MKLN1: variants seen among roughly 807,000 people sequenced by gnomAD.
The protein encoded by MKLN1 is muskelin 1.
In MKLN1, 18 loss-of-function variants were observed where a neutral mutation model predicts 99.0. The observed-to-expected ratio is 0.18, with a 90% CI of 0.13 to 0.27. The LOEUF (loss-of-function observed/expected upper bound fraction) is 0.27. Ranked by LOEUF, MKLN1 falls within the 10% of genes least tolerant of loss-of-function variation. The pLI, the probability that MKLN1 is intolerant of heterozygous loss-of-function variation, is 1.00. For synonymous variants in MKLN1, 288 were observed against 293.2 expected (o/e 0.98, Z 0.18); for missense variants, 621 against 875.9 (o/e 0.71, Z 3.67).
chr7:131,352,494 G>A (rs1265960198), intron 1 of MKLN1, among the ~76,000 whole-genome samples: 1 of 151,886 alleles, frequency 6.6e-6, no homozygotes, highest in Non-Finnish European at 1.5e-5. Flanking sequence ...TGATTTGTGA[G>A]GTTGTAACTT....
At chr7:131,428,991 T>C (rs751933039) in intron 8 of MKLN1, 42 bp from the exon 9 acceptor site, 11 of 1,543,392 alleles carry the variant, frequency 7.1e-6, no homozygotes, top group Admixed American at 1.7e-5. Context: ...TTATGCTTAT[T>C]TTGTCCTTTT....
At chr7:131,419,248 T>TATA (rs1563338827) in intron 8 of MKLN1, among the ~76,000 whole-genome samples, 2 of 118,376 alleles carry the variant, frequency 1.7e-5, no homozygotes, top group African/African-American at 5.9e-5. Context: ...ATATATATAT[T>TATA]TTTGTTTTTT....
Position 131,330,868 on chromosome 7 carries a change from T to C in MKLN1, c.98+2871T>C, listed in dbSNP as rs567035036. Among the ~76,000 whole-genome samples, 6 of 152,278 alleles carry C rather than the reference T, an allele frequency of 3.9e-5. No individual in the cohort carries two copies. The East Asian group carries it at 5.8e-4, about 15-fold the overall frequency. The stretch of plus-strand genomic sequence containing the variant: ...AAAAATGTTAAAGCAGATTCAGTTA[T>C]AGGGAACACATTTTTACTTTGAGAC... On this transcript the variant is annotated intron_variant, in intron 1 of 17. Coordinates refer to ENST00000352689, the MANE Select transcript of MKLN1 (RefSeq NM_013255.5).
At chr7:131,130,349 A>G (rs937522988) in intron 1 of MKLN1, among the ~76,000 whole-genome samples, 4 of 152,228 alleles carry the variant, frequency 2.6e-5, no homozygotes, top group African/African-American at 9.6e-5. Context: ...GGTTAGGGAA[A>G]GAAAGTTGGT....
chr7:131,279,900 A>G (rs1292628604), intron 3 of MKLN1, among the ~76,000 whole-genome samples: 1 of 152,196 alleles, frequency 6.6e-6, no homozygotes, highest in Non-Finnish European at 1.5e-5. Context: ...CTAATTTTAC[A>G]GCCTTTTCAA....
At chr7:131,315,195 T>C (rs573810231) in intron 3 of MKLN1, among the ~76,000 whole-genome samples, 74 of 151,350 alleles carry the variant, frequency 4.9e-4, no homozygotes, top group Non-Finnish European at 9.4e-4. Flanking sequence ...AGGCAGGTGA[T>C]TTCTTCATTT....
At chr7:131,137,726 C>T (rs1795670205) in intron 1 of MKLN1, among the ~76,000 whole-genome samples, 1 of 151,854 alleles carries the variant, frequency 6.6e-6, no homozygotes, top group African/African-American at 2.4e-5. Flanking sequence ...GTGCATGCGC[C>T]ACCATACCCG....
At chr7:131,231,610 G>A (rs1379391581) in intron 3 of MKLN1, among the ~76,000 whole-genome samples, 1 of 152,186 alleles carries the variant, frequency 6.6e-6, no homozygotes, top group East Asian at 1.9e-4. Flanking sequence ...GTGCATGCTC[G>A]TGCGTGCAGA....
intron 11 of MKLN1, among the ~76,000 whole-genome samples, 188 bp downstream of exon 11, chr7:131,443,890 A>T (rs1004337868): frequency 6.6e-6 from 1 of 152,162 alleles, no homozygotes; most frequent in African/African-American, 2.4e-5. Context: ...ATTCCTAAAT[A>T]GTTACTACCT....
intron 6 of MKLN1, among the ~76,000 whole-genome samples, chr7:131,406,331 T>C (rs971097165): frequency 1.3e-5 from 2 of 151,966 alleles, no homozygotes; most frequent in Non-Finnish European, 2.9e-5. Flanking sequence ...ATTTGACTTA[T>C]GATTAGTTTA....
chr7:131,219,550 T>C (rs1325080660), intron 3 of MKLN1, among the ~76,000 whole-genome samples: 1 of 152,044 alleles, frequency 6.6e-6, no homozygotes, highest in Non-Finnish European at 1.5e-5. Flanking sequence ...TGTCTAAAGA[T>C]AGATACTGTT....
chr7:131,144,604 C>T (rs967912394), intron 2 of MKLN1, among the ~76,000 whole-genome samples: 1 of 152,156 alleles, frequency 6.6e-6, no homozygotes, highest in African/African-American at 2.4e-5. Flanking sequence ...GCCTCAACCT[C>T]CCAAAGCGCT....
chr7:131,281,132 C>T (rs1798045061), intron 3 of MKLN1, among the ~76,000 whole-genome samples: 2 of 151,776 alleles, frequency 1.3e-5, no homozygotes, highest in African/African-American at 2.4e-5. Context: ...AGGTCATGAA[C>T]ATTTACTCTT....
intron 4 of MKLN1, among the ~76,000 whole-genome samples, chr7:131,394,356 A>G (rs1794296115): frequency 6.6e-6 from 1 of 151,962 alleles, no homozygotes; most frequent in Admixed American, 6.5e-5. Context: ...GTGGACCCAG[A>G]AGTTGGGGCA....
At chr7:131,261,843 A>G (rs1797735409) in intron 3 of MKLN1, among the ~76,000 whole-genome samples, 1 of 152,240 alleles carries the variant, frequency 6.6e-6, no homozygotes, top group African/African-American at 2.4e-5. Context: ...TGTCCTTTGC[A>G]GCAATGTGGA....
At chr7:131,151,908 CAGAA>C (rs1183391965) in intron 2 of MKLN1, among the ~76,000 whole-genome samples, 1 of 152,096 alleles carries the variant, frequency 6.6e-6, no homozygotes, top group African/African-American at 2.4e-5. Flanking sequence ...GAAAAGTAGA[CAGAA>C]AGCATAAAGG....
intron 3 of MKLN1, among the ~76,000 whole-genome samples, chr7:131,207,726 G>T (rs1796840182): frequency 6.6e-6 from 1 of 152,114 alleles, no homozygotes; most frequent in African/African-American, 2.4e-5. Context: ...CCCACAGAGG[G>T]TCACCTTGGG....
intron 3 of MKLN1, among the ~76,000 whole-genome samples, chr7:131,314,856 G>A (rs1798635484): frequency 6.6e-6 from 1 of 151,718 alleles, no homozygotes; most frequent in Non-Finnish European, 1.5e-5. Flanking sequence ...ATCTAGCCTT[G>A]ACACATTCTG....
At chr7:131,135,917 A>C (rs1292061679) in intron 1 of MKLN1, among the ~76,000 whole-genome samples, 3 of 152,176 alleles carry the variant, frequency 2.0e-5, no homozygotes, top group Admixed American at 6.5e-5. Context: ...AGTTATTCTG[A>C]GTCTCTGAAA....
Sources: gnomAD v4.1 joint callset for allele counts (sites outside exome capture counted in the v4.1 genomes callset) on GRCh38, gnomAD v4.1.1 for gene constraint, MANE v1.5 for transcripts, NCBI Gene and HGNC (gene_info 2026-07-23, HGNC 2026-07-21) for gene names.